The following TMEM45A variants were observed in gnomAD, a reference collection of about 807,000 sequenced individuals.
TMEM45A encodes the protein DNA polymerase-transactivated protein 4.
A neutral mutation model predicts 32.0 loss-of-function variants in TMEM45A; 25 were observed. The observed-to-expected ratio is 0.78, with a 90% confidence interval of 0.57 to 1.09. TMEM45A has a LOEUF of 1.09. TMEM45A is among the 50% of genes least tolerant of loss of function. The pLI, the probability that TMEM45A is intolerant of heterozygous loss-of-function variation, is 0.00. For synonymous variants in TMEM45A, 122 were observed against 114.8 expected (o/e 1.06, Z -0.40); for missense variants, 302 against 325.0 (o/e 0.93, Z 0.54).
chr3:100,548,569 G>C (rs373579212), intron 1 of TMEM45A, among the ~76,000 whole-genome samples: 6 of 152,216 alleles, frequency 3.9e-5, no homozygotes, highest in African/African-American at 1.4e-4. Context: ...ACTTTAGAAC[G>C]ATCTCCTCCA....
intron 5 of TMEM45A, among the ~76,000 whole-genome samples, chr3:100,569,596 T>G (rs1706517446): frequency 6.6e-6 from 1 of 152,168 alleles, no homozygotes; most frequent in South Asian, 2.1e-4. Flanking sequence ...AGTACTAGTT[T>G]TGTTGTTTGT....
chr3:100,541,597 A>C (rs2148967226), intron 1 of TMEM45A, among the ~76,000 whole-genome samples: 1 of 141,474 alleles, frequency 7.1e-6, no homozygotes, highest in African/African-American at 2.7e-5. Flanking sequence ...TGGCACGATC[A>C]TGACTCACTG....
chr3:100,532,498 A>G (rs1705664676), intron 1 of TMEM45A, among the ~76,000 whole-genome samples: 1 of 152,226 alleles, frequency 6.6e-6, no homozygotes, highest in Non-Finnish European at 1.5e-5. Context: ...GCCGGCCCAT[A>G]TGCCATTCGT....
At chr3:100,503,068 C>T (rs748691338) in intron 1 of TMEM45A, among the ~76,000 whole-genome samples, 42 of 151,256 alleles carry the variant, frequency 2.8e-4, no homozygotes, top group Non-Finnish European at 4.9e-4. Flanking sequence ...CTTTCTTCTC[C>T]TCCTCCTCCT....
At chr3:100,519,754 A>G in intron 1 of TMEM45A, 1 of 796,126 alleles carries the variant, frequency 1.3e-6, no homozygotes. Context: ...GTGGCTGATC[A>G]AGGCAAAGTT....
At chr3:100,503,255 A>C (rs1708032318) in intron 1 of TMEM45A, among the ~76,000 whole-genome samples, 1 of 151,998 alleles carries the variant, frequency 6.6e-6, no homozygotes, top group Non-Finnish European at 1.5e-5. Flanking sequence ...ATAGGCACAC[A>C]CCACCACACC....
chr3:100,519,459 C>A, intron 1 of TMEM45A: 1 of 1,073,382 alleles, frequency 9.3e-7, no homozygotes, highest in Non-Finnish European at 1.4e-6. Context: ...TTTTTTATTC[C>A]AGAAACTTTT....
intron 1 of TMEM45A, among the ~76,000 whole-genome samples, chr3:100,539,450 T>TATGCATATGCATATGC (rs60074458): frequency 1.7e-4 from 20 of 115,008 alleles, no homozygotes; most frequent in African/African-American, 3.0e-4. Context: ...TATGTATATG[T>TATGCATATGCATATGC]ATATGTATAT....
intron 3 of TMEM45A, 98 bp from the exon 4 acceptor site, chr3:100,558,307 T>G (rs1706262911): frequency 7.0e-7 from 1 of 1,437,816 alleles, no homozygotes; most frequent in Non-Finnish European, 9.6e-7. Context: ...GACAAATGTG[T>G]GTATGTGTAA....
At chr3:100,536,954 T>G (rs757082213) in intron 1 of TMEM45A, among the ~76,000 whole-genome samples, 15 of 152,182 alleles carry the variant, frequency 9.9e-5, no homozygotes, top group Non-Finnish European at 1.9e-4. Flanking sequence ...GGAGTTTTGC[T>G]GTTGTCGCCC....
At chr3:100,508,642 C>G (rs893846191) in intron 1 of TMEM45A, among the ~76,000 whole-genome samples, 3 of 151,942 alleles carry the variant, frequency 2.0e-5, no homozygotes, top group African/African-American at 7.3e-5. Flanking sequence ...ATAGAGAATT[C>G]AGAAATAAAT....
intron 5 of TMEM45A, chr3:100,570,759 A>T (rs1706541020): frequency 6.6e-6 from 1 of 152,138 alleles, no homozygotes; most frequent in African/African-American, 2.4e-5. Context: ...CATACCCCTA[A>T]TGGGCCTCTT....
intron 1 of TMEM45A, among the ~76,000 whole-genome samples, chr3:100,543,475 A>G (rs1705926857): frequency 1.3e-5 from 2 of 152,190 alleles, no homozygotes. Flanking sequence ...TTAGTAGTGT[A>G]TGAGTGTTCT....
intron 1 of TMEM45A, among the ~76,000 whole-genome samples, chr3:100,523,638 CTCTTCCTCCTCCTCCTCCTTCTCT>C (rs1208902157): frequency 2.6e-4 from 40 of 152,150 alleles, no homozygotes; most frequent in African/African-American, 9.2e-4. Flanking sequence ...ATCTTTTCTC[CTCTTCCTCCTCCTCCTCCTTCTCT>C]TCTTCCTCCT....
chr3:100,534,586 C>G (rs1406359567), intron 1 of TMEM45A, among the ~76,000 whole-genome samples: 1 of 152,084 alleles, frequency 6.6e-6, no homozygotes, highest in African/African-American at 2.4e-5. Context: ...GGAACGTGGC[C>G]CTGCCAGCAC....
At chr3:100,554,999 C>A (rs1706184165) in intron 1 of TMEM45A, among the ~76,000 whole-genome samples, 1 of 152,154 alleles carries the variant, frequency 6.6e-6, no homozygotes, top group Non-Finnish European at 1.5e-5. Context: ...AAGTATTCAA[C>A]AAATGTGAGT....
Position 100,546,715 on chromosome 3 carries a change from G to A in TMEM45A, c.-3-8494G>A, listed in dbSNP as rs79243143. Among the ~76,000 whole-genome samples, 769 of 152,296 alleles carry A rather than the reference G, an allele frequency of 5.0e-3. 19 individuals carry two copies. The highest frequency in any genetic ancestry group is 0.031 in the Admixed American group (479 of 15,306). On this transcript the variant is annotated intron_variant, in intron 1 of 5. Coordinates refer to ENST00000323523, the MANE Select transcript of TMEM45A (RefSeq NM_018004.3). ...GTGCTGGCAGCTCAGTGGTAGAAAG[G>A]AACAGAAGGAGATGCCTTTTTCCCT...
chr3:100,542,977 C>G (rs1705916114), intron 1 of TMEM45A, among the ~76,000 whole-genome samples: 1 of 152,036 alleles, frequency 6.6e-6, no homozygotes, highest in South Asian at 2.1e-4. Flanking sequence ...TACCCCAAAC[C>G]TCAGCATGAT....
intron 4 of TMEM45A, among the ~76,000 whole-genome samples, chr3:100,564,195 T>A (rs1234912980): frequency 1.3e-5 from 2 of 152,068 alleles, no homozygotes; most frequent in African/African-American, 4.8e-5. Context: ...AATAAGGTAT[T>A]TTGGGAAAAT....
Sources: allele counts gnomAD v4.1 joint callset (sites outside exome capture counted in the v4.1 genomes callset), GRCh38; gene constraint gnomAD v4.1.1; transcripts MANE v1.5; gene names NCBI Gene and HGNC (gene_info 2026-07-23, HGNC 2026-07-21).